ELOA: variants seen among roughly 807,000 people sequenced by gnomAD.
ELOA encodes elongin A, also known as elongin-A.
In ELOA, 15 loss-of-function variants were observed where a neutral mutation model predicts 85.2. The observed-to-expected ratio is 0.18, with a 90% CI of 0.12 to 0.27. ELOA has a LOEUF of 0.27. Ranked by LOEUF, ELOA falls within the 10% of genes least tolerant of loss-of-function variation. ELOA has a pLI of 1.00. For missense variants in ELOA, 769 were observed against 952.7 expected (o/e 0.81, Z 2.54); for synonymous variants, 348 against 357.2 (o/e 0.97, Z 0.29).
rs1326968826 is a variant in ELOA, at chr1:23,760,901, C to G, written c.*1328C>G. On this transcript the variant is annotated 3_prime_UTR_variant, in exon 11 of 11. Coordinates refer to ENST00000613537, the MANE Select transcript of ELOA (RefSeq NM_003198.3). ...CAAGGAACACCGATCTAGTAGAAACCCACTTGGTTGTGACCCAGGTAGAGG... is the reference window on the plus strand; with the variant it reads ...CAAGGAACACCGATCTAGTAGAAACGCACTTGGTTGTGACCCAGGTAGAGG... 1 of 152,066 alleles carries G rather than the reference C, an allele frequency of 6.6e-6. No homozygotes were observed. The highest frequency in any genetic ancestry group is 1.5e-5 in the Non-Finnish European group (1 of 68,036). The allele number at this position is 152,066 out of a possible 1,614,324, so 9.4% of individuals were successfully genotyped here.
intron 7 of ELOA, among the ~76,000 whole-genome samples, chr1:23,755,258 C>T (rs1385489922): frequency 1.3e-5 from 2 of 152,092 alleles, no homozygotes; most frequent in Non-Finnish European, 2.9e-5. Context: ...TTGACTTGAT[C>T]GCAGTTCTAC....
chr1:23,755,602 C>G (rs1644790718), intron 7 of ELOA, among the ~76,000 whole-genome samples: 1 of 151,864 alleles, frequency 6.6e-6, no homozygotes, highest in Non-Finnish European at 1.5e-5. Flanking sequence ...GACAACATGG[C>G]AAAACCCCAT....
intron 2 of ELOA, among the ~76,000 whole-genome samples, chr1:23,749,519 C>T (rs537119320): frequency 6.6e-6 from 1 of 152,242 alleles, no homozygotes; most frequent in Admixed American, 6.5e-5. Flanking sequence ...TTAGGCTGTT[C>T]CTATGTAAAA....
At chr1:23,757,176 A>C in intron 10 of ELOA, 51 bp downstream of exon 10, 1 of 1,481,468 alleles carries the variant, frequency 6.8e-7, no homozygotes, top group Admixed American at 2.5e-5. Context: ...CTAGTTTTTA[A>C]CTCTCAATGT....
At chr1:23,748,536 A>G (rs747607554) in intron 1 of ELOA, among the ~76,000 whole-genome samples, 4 of 152,246 alleles carry the variant, frequency 2.6e-5, no homozygotes, top group Non-Finnish European at 5.9e-5. Context: ...TATGTAGAAG[A>G]AAACAATTCT....
chr1:23,758,283 T>TATTTTTTTTTTTTTTTTA (rs1638237863), intron 10 of ELOA, among the ~76,000 whole-genome samples: 1 of 111,948 alleles, frequency 8.9e-6, no homozygotes, highest in African/African-American at 3.5e-5. Context: ...TTTTTTTTTT[T>TATTTTTTTTTTTTTTTTA]TTTTTTTGGA....
Position 23,750,826 on chromosome 1 carries a change from G to A in ELOA, c.240-19G>A. 1.3e-6 allele frequency: 2 copies of A among 1,542,120 alleles called. No individual in the cohort carries two copies. The highest frequency in any genetic ancestry group is 1.7e-6 in the Non-Finnish European group (2 of 1,149,332). Reference sequence around the variant, plus strand: ...AGCAAGATTTAGACCTACTTTGTCTGCTTTTTCTTTTATTTTAGAAATGCT... The same window carrying A: ...AGCAAGATTTAGACCTACTTTGTCTACTTTTTCTTTTATTTTAGAAATGCT... On this transcript the variant is annotated intron_variant, in intron 3 of 10. Transcript: ENST00000613537.
At chr1:23,745,403 T>G (rs549084625) in intron 1 of ELOA, among the ~76,000 whole-genome samples, 2 of 152,356 alleles carry the variant, frequency 1.3e-5, no homozygotes, top group South Asian at 2.1e-4. Flanking sequence ...AGTCATTTTT[T>G]TTTTAACTAG....
intron 3 of ELOA, among the ~76,000 whole-genome samples, chr1:23,750,427 G>A (rs1004299138): frequency 1.3e-5 from 2 of 152,058 alleles, no homozygotes; most frequent in African/African-American, 2.4e-5. Flanking sequence ...TGATCTGCCC[G>A]CCTCGGCCTC....
chr1:23,750,070 C>A, intron 3 of ELOA, 122 bp downstream of exon 3: 1 of 709,082 alleles, frequency 1.4e-6, no homozygotes, highest in Non-Finnish European at 2.2e-6. Context: ...AAAAAATAAT[C>A]CATGATCATT....
chr1:23,756,510 C>A, intron 9 of ELOA, 125 bp downstream of exon 9: 2 of 782,524 alleles, frequency 2.6e-6, no homozygotes, highest in South Asian at 1.6e-5. Context: ...GGAGGCAGAC[C>A]TCATCAGCTC....
chr1:23,745,327 A>G (rs1387911721), intron 1 of ELOA, among the ~76,000 whole-genome samples: 1 of 152,194 alleles, frequency 6.6e-6, no homozygotes, highest in East Asian at 1.9e-4. Flanking sequence ...AAGCAGTGCC[A>G]TATAATAACT....
chr1:23,755,833 C>G lies in ELOA; in HGVS notation c.1792-10C>G. 1 of 1,578,222 alleles carries G rather than the reference C, an allele frequency of 6.3e-7. No individual in the cohort carries two copies. The highest frequency in any genetic ancestry group is 8.6e-7 in the Non-Finnish European group (1 of 1,164,052). On this transcript the variant is annotated splice_polypyrimidine_tract_variant and intron_variant, in intron 7 of 10. Transcript: ENST00000613537. The stretch of plus-strand genomic sequence containing the variant: ...CTTGTACACAAATGATGTCCTGGTT[C>G]TGGTTTCAGGTATTAATTGAAGAAA...
chr1:23,751,530 C>G lies in ELOA; in HGVS notation c.925C>G (p.Leu309Val). The change falls in exon 4 of 11, where the codon CTG becomes GTG. Residue 309 changes from leucine to valine, a missense_variant. Around this residue, in one of 4 missense-constraint regions of ELOA, gnomAD observed 440 missense variants for 474.0 expected, o/e 0.93. Transcript: ENST00000613537. ...AGAGAAGGACAGAGAGGGCAGCAGC[C>G]TGAAGAAGAAGTGTTTGCCTCCCTC... ...KKEKDREGSS[L>V]KKKCLPPSEA... 6.2e-7 allele frequency: 1 copy of G among 1,614,122 alleles called. No individual in the cohort carries two copies.
Position 23,759,585 on chromosome 1 carries a change from G to C in ELOA, c.*12G>C, listed in dbSNP as rs369687859. The stretch of plus-strand genomic sequence containing the variant: ...TCTCCCGACGATAAACTGAGGACTT[G>C]CCTTGGAAATGGAATCTGGGGAGGC... On this transcript the variant is annotated 3_prime_UTR_variant, in exon 11 of 11. Coordinates refer to ENST00000613537, the MANE Select transcript of ELOA (RefSeq NM_003198.3). 58 of 1,613,964 alleles carry C rather than the reference G, an allele frequency of 3.6e-5. No individual in the cohort carries two copies. The highest frequency in any genetic ancestry group is 1.6e-4 in the Middle Eastern group (1 of 6,084).
chr1:23,759,314 C>G (rs536806719), intron 10 of ELOA, among the ~76,000 whole-genome samples, 198 bp from the exon 11 acceptor site: 25 of 152,330 alleles, frequency 1.6e-4, no homozygotes, highest in Admixed American at 1.2e-3. Context: ...GTGGTCATGC[C>G]CCTGGCAGGT....
intron 5 of ELOA, among the ~76,000 whole-genome samples, chr1:23,753,442 A>G (rs1402339335): frequency 6.6e-6 from 1 of 152,206 alleles, no homozygotes; most frequent in East Asian, 1.9e-4. Context: ...TGTTATTAGC[A>G]GCCCTTTATC....
At chr1:23,758,949 G>C (rs886787547) in intron 10 of ELOA, among the ~76,000 whole-genome samples, 1 of 152,154 alleles carries the variant, frequency 6.6e-6, no homozygotes, top group African/African-American at 2.4e-5. Context: ...ACACACACCT[G>C]TAATCCCAGC....
chr1:23,759,739 G>T lies in ELOA; in HGVS notation c.*166G>T. Reference sequence around the variant, plus strand: ...TGCCCCTGGGAACCTGCGTGCCACAGCCCCGCCTCCCTGCCTGGAGCACAC... The same window carrying T: ...TGCCCCTGGGAACCTGCGTGCCACATCCCCGCCTCCCTGCCTGGAGCACAC... On this transcript the variant is annotated 3_prime_UTR_variant, in exon 11 of 11. Coordinates refer to ENST00000613537, the MANE Select transcript of ELOA (RefSeq NM_003198.3). The T allele has an allele frequency of 1.5e-6, 1 of 669,316 alleles. No individual in the cohort carries two copies. Among genetic ancestry groups the T allele is most frequent in the Non-Finnish European group, 2.6e-6 (1 of 387,352 alleles). The allele number at this position is 669,316 out of a possible 1,614,324, so 41.5% of individuals were successfully genotyped here. A position where few individuals can be genotyped will look rare whatever the true frequency, so the allele number is the denominator to read the frequency against.
Sources: gnomAD v4.1 joint callset for allele counts (sites outside exome capture counted in the v4.1 genomes callset) on GRCh38, gnomAD v4.1.1 for gene constraint, gnomAD v4.1.1 regional missense constraint, MANE v1.5 for transcripts, NCBI Gene and HGNC (gene_info 2026-07-23, HGNC 2026-07-21) for gene names.